Variants in CPLX2 observed in about 807,000 individuals in gnomAD.
CPLX2 encodes the protein complexin 2.
In CPLX2, 5 loss-of-function variants were observed where a neutral mutation model predicts 16.3. The ratio of observed to expected loss-of-function variants is 0.31; its 90% CI spans 0.16 to 0.64. The LOEUF is 0.64. CPLX2 is among the 30% of genes least tolerant of loss of function. The pLI is 0.79. For synonymous variants in CPLX2, 89 were observed against 73.2 expected (o/e 1.22, Z -1.10); for missense variants, 144 against 181.4 (o/e 0.79, Z 1.18).
At position 175,809,760 on chromosome 5, in the gene CPLX2, C is replaced by T. The variant is rs1758279579; in HGVS notation, c.-89+692C>T. On this transcript the variant is annotated intron_variant, in intron 2 of 4. Coordinates refer to the CPLX2 transcript ENST00000359546. This position sits in a 1 kb window ranked among gnomAD's most constrained non-coding sequence, Gnocchi z 4.4. ...CACATCGCCTCTTCCCCACCACCCA[C>T]GACCAGTAATCCAGTGTGCATAGTT... Among the ~76,000 whole-genome samples, 2 of 152,288 alleles carry T rather than the reference C, an allele frequency of 1.3e-5. No individual in the cohort carries two copies. Among genetic ancestry groups the T allele is most frequent in the South Asian group, 2.1e-4 (1 of 4,826 alleles).
intron 2 of CPLX2, among the ~76,000 whole-genome samples, chr5:175,810,611 G>A (rs1758296425): frequency 6.6e-6 from 1 of 152,108 alleles, no homozygotes; most frequent in Non-Finnish European, 1.5e-5. Flanking sequence ...ACCAATTCCT[G>A]GGGAACCCAT....
chr5:175,817,940 G>A (rs958098008), intron 2 of CPLX2, among the ~76,000 whole-genome samples: 1 of 152,130 alleles, frequency 6.6e-6, no homozygotes, highest in African/African-American at 2.4e-5. Context: ...TTAAGTGTGG[G>A]GAGCCACAGA....
chr5:175,882,336 C>G lies in CPLX2; in HGVS notation c.*2291C>G, dbSNP rs1411159405. 6.5e-6 allele frequency: 1 copy of G among 152,738 alleles called. No individual in the cohort carries two copies. Among genetic ancestry groups the G allele is most frequent in the African/African-American group, 2.4e-5 (1 of 41,466 alleles). The allele number at this position is 152,738 out of a possible 1,614,324, so 9.5% of individuals were successfully genotyped here. A position where few individuals can be genotyped will look rare whatever the true frequency, so the allele number is the denominator to read the frequency against. On this transcript the variant is annotated 3_prime_UTR_variant, in exon 4 of 4. Coordinates refer to ENST00000393745, the MANE Select transcript of CPLX2 (RefSeq NM_001008220.2). ...CAGGGGCCCCAGGCCTCCCCAGTCC[C>G]AGTGTGCGAGCCCCACTTGGACACA...
chr5:175,844,396 C>A (rs375440540), intron 2 of CPLX2, among the ~76,000 whole-genome samples: 1 of 152,354 alleles, frequency 6.6e-6, no homozygotes, highest in East Asian at 1.9e-4. Context: ...CTACTGTGTA[C>A]CAGGCACTGC....
intron 2 of CPLX2, among the ~76,000 whole-genome samples, chr5:175,858,391 T>C (rs1759300562): frequency 6.6e-6 from 1 of 152,182 alleles, no homozygotes; most frequent in Non-Finnish European, 1.5e-5. Flanking sequence ...CAATGAATGG[T>C]GAGCAGAAAT....
At chr5:175,877,788 T>G (rs185101139) in intron 1 of CPLX2, among the ~76,000 whole-genome samples, 1 of 152,326 alleles carries the variant, frequency 6.6e-6, no homozygotes, top group East Asian at 1.9e-4. Flanking sequence ...TTTTGCATAT[T>G]GAGAATCCCA....
In CPLX2 at chr5:175,836,111, G is replaced by A. The variant is rs562004530; in HGVS notation, c.-89+27043G>A. Among the ~76,000 whole-genome samples the A allele has an allele frequency of 2.6e-3, 403 of 152,252 alleles. 3 individuals are homozygous for A. The highest frequency in any genetic ancestry group is 4.6e-3 in the Non-Finnish European group (310 of 68,010). ...CACGCCTGTAATTCCAGCACTTTGG[G>A]AGGCCAAGGCGGGCAGATCACGAGG... On this transcript the variant is annotated intron_variant, in intron 2 of 4. Coordinates refer to the CPLX2 transcript ENST00000359546.
In CPLX2 at chr5:175,881,827, G is replaced by A. The variant is rs1250278801; in HGVS notation, c.*1782G>A. The A allele has an allele frequency of 2.0e-5, 3 of 152,656 alleles. No homozygotes were observed. Among genetic ancestry groups the A allele is most frequent in the African/African-American group, 7.2e-5 (3 of 41,444 alleles). 9.5% of individuals were successfully genotyped at this position (152,656 alleles called of 1,614,324 possible). On this transcript the variant is annotated 3_prime_UTR_variant, in exon 4 of 4. Transcript: ENST00000393745. ...CCGCCAGGGCCTATCCCAAAAGCAG[G>A]GGCCAGGGAGGGGGCGACTTGCCTG...
At chr5:175,808,224 G>A (rs963445757) in intron 1 of CPLX2, among the ~76,000 whole-genome samples, 1 of 152,158 alleles carries the variant, frequency 6.6e-6, no homozygotes, top group African/African-American at 2.4e-5. Context: ...CTCCGCATCA[G>A]TATTTTCATC....
chr5:175,806,893 C>A (rs773807482), intron 1 of CPLX2, among the ~76,000 whole-genome samples: 3 of 152,152 alleles, frequency 2.0e-5, no homozygotes, highest in African/African-American at 4.8e-5. Context: ...TTCCACTGTG[C>A]GAGATCAAGG....
Position 175,829,236 on chromosome 5 carries a change from G to A in CPLX2, c.-89+20168G>A, listed in dbSNP as rs371503590. ...ACAGCCCTGCAAGGGAGGCATTACCGTCCCCAACTTCTGGGGAGGAAACTG... is the reference window on the plus strand; with the variant it reads ...ACAGCCCTGCAAGGGAGGCATTACCATCCCCAACTTCTGGGGAGGAAACTG... On this transcript the variant is annotated intron_variant, in intron 2 of 4. Transcript: ENST00000359546. Among the ~76,000 whole-genome samples, 183 of 152,290 alleles carry A rather than the reference G, an allele frequency of 1.2e-3. 2 individuals are homozygous for A. The highest frequency in any genetic ancestry group is 3.6e-3 in the African/African-American group (148 of 41,562).
At chr5:175,860,478 GAAGAAAGA>G (rs1176984409) in intron 2 of CPLX2, among the ~76,000 whole-genome samples, 40 of 136,416 alleles carry the variant, frequency 2.9e-4, no homozygotes, top group African/African-American at 1.0e-3. Flanking sequence ...GAGAGAGAAA[GAAGAAAGA>G]AAGAAAGAAA....
At chr5:175,847,499 G>A (rs1161270040) in intron 2 of CPLX2, among the ~76,000 whole-genome samples, 1 of 152,192 alleles carries the variant, frequency 6.6e-6, no homozygotes, top group Non-Finnish European at 1.5e-5. Flanking sequence ...CGCCGCTAAA[G>A]CTAGGATTTG....
At chr5:175,852,238 C>G (rs6556226) in intron 2 of CPLX2, among the ~76,000 whole-genome samples, 1 of 152,060 alleles carries the variant, frequency 6.6e-6, no homozygotes, top group Non-Finnish European at 1.5e-5. Context: ...GAATACGAAA[C>G]TTTACCAATG....
At chr5:175,819,679 A>T (rs973903780) in intron 2 of CPLX2, among the ~76,000 whole-genome samples, 1 of 152,116 alleles carries the variant, frequency 6.6e-6, no homozygotes, top group Non-Finnish European at 1.5e-5. Context: ...TACCAGGGGC[A>T]TCTCTTAGGT....
At chr5:175,802,701 C>T (rs1324105705) in intron 1 of CPLX2, among the ~76,000 whole-genome samples, 2 of 152,210 alleles carry the variant, frequency 1.3e-5, no homozygotes, top group Non-Finnish European at 1.5e-5. Flanking sequence ...CCTAGCTGGA[C>T]GATCTTGAGC....
intron 2 of CPLX2, among the ~76,000 whole-genome samples, chr5:175,820,207 A>G (rs2113643509): frequency 6.6e-6 from 1 of 152,328 alleles, no homozygotes; most frequent in African/African-American, 2.4e-5. Context: ...ACCTGTTTCA[A>G]TAATCCCTTC....
chr5:175,868,384 T>A (rs552945149), upstream of CPLX2, among the ~76,000 whole-genome samples: 1 of 152,370 alleles, frequency 6.6e-6, no homozygotes, highest in South Asian at 2.1e-4. Context: ...CTCTCTTGAT[T>A]GGCTTCCTAC....
chr5:175,846,274 G>T (rs533497279), intron 2 of CPLX2, among the ~76,000 whole-genome samples: 72 of 152,234 alleles, frequency 4.7e-4, no homozygotes, highest in Non-Finnish European at 8.2e-4. Flanking sequence ...GGTTCCCAGG[G>T]CTCAAGGGCA....
Sources: allele counts gnomAD v4.1 joint callset (sites outside exome capture counted in the v4.1 genomes callset), GRCh38; gene constraint gnomAD v4.1.1; non-coding constraint Gnocchi (gnomAD v3.1); transcripts MANE v1.5; gene names NCBI Gene and HGNC (gene_info 2026-07-23, HGNC 2026-07-21).